The following EGFR variants were observed in gnomAD, a reference collection of about 807,000 sequenced individuals.
EGFR encodes avian erythroblastic leukemia viral (v-erb-b) oncogene homolog.
Under a neutral mutation model 143.0 loss-of-function variants are expected in EGFR, and 58 were observed. The ratio of observed to expected loss-of-function variants is 0.41; its 90% CI spans 0.33 to 0.50. EGFR has a LOEUF of 0.50. Ranked by LOEUF, EGFR falls within the 20% of genes least tolerant of loss-of-function variation. The pLI is 0.39. For synonymous variants in EGFR, 613 were observed against 594.4 expected, an observed-to-expected ratio of 1.03 and a Z score of -0.45; for missense variants, 1,307 against 1,579.0, an observed-to-expected ratio of 0.83 and a Z score of 2.92.
chr7:55,133,513 C>T (rs1793971222), intron 1 of EGFR, among the ~76,000 whole-genome samples: 1 of 152,318 alleles, frequency 6.6e-6, no homozygotes, highest in Non-Finnish European at 1.5e-5. Flanking sequence ...GTTTTGAAGC[C>T]GATTTTCCAG....
In EGFR at chr7:55,081,452, G is replaced by A. The variant is rs185152435; in HGVS notation, c.89-60834G>A. Among the ~76,000 whole-genome samples the A allele has an allele frequency of 9.9e-5, 15 of 152,254 alleles. No individual in the cohort carries two copies. In the East Asian group the frequency reaches 1.7e-3, roughly 18 times the overall value. The stretch of plus-strand genomic sequence containing the variant: ...TTCGCAATGAGTGTTGCAGACTCCC[G>A]ACAAAGGCCAGGTGGTAAAGTGTGG... On this transcript the variant is annotated intron_variant, in intron 1 of 27. Transcript: ENST00000275493.
chr7:55,083,488 T>G (rs1790584714), intron 1 of EGFR, among the ~76,000 whole-genome samples: 1 of 152,206 alleles, frequency 6.6e-6, no homozygotes, highest in Admixed American at 6.5e-5. Flanking sequence ...ATGTCATCTT[T>G]GGTGAATGTC....
chr7:55,204,236 ACAC>A (rs1788000565), intron 27 of EGFR, among the ~76,000 whole-genome samples: 1 of 149,266 alleles, frequency 6.7e-6, no homozygotes, highest in Non-Finnish European at 1.5e-5. Context: ...AAACGTACAC[ACAC>A]ACCACACACA....
rs765441420 is a variant in EGFR, at chr7:55,173,007, T to G, written c.1944T>G (p.Thr648=). ...GGCCTAAGATCCCGTCCATCGCCAC[T>G]GGGATGGTGGGGGCCCTCCTCTTGC... ...TNGPKIPSIA[T]GMVGALLLLL... Residue 648 remains threonine, a synonymous_variant, in exon 17 of 28, where the codon ACT becomes ACG. Coordinates refer to ENST00000275493, the MANE Select transcript of EGFR (RefSeq NM_005228.5). 6.2e-7 allele frequency: 1 copy of G among 1,614,064 alleles called. No individual in the cohort carries two copies. The highest frequency in any genetic ancestry group is 1.3e-5 in the African/African-American group (1 of 74,938).
At chr7:55,076,726 A>G (rs991523737) in intron 1 of EGFR, among the ~76,000 whole-genome samples, 1 of 152,138 alleles carries the variant, frequency 6.6e-6, no homozygotes, top group Non-Finnish European at 1.5e-5. Context: ...TTTGAACTTC[A>G]TTAGTAGAGC....
At position 55,205,443 on chromosome 7, in the gene EGFR, C is replaced by T. The variant is rs768703914; in HGVS notation, c.3459C>T (p.Ser1153=). 1.2e-6 allele frequency: 2 copies of T among 1,614,184 alleles called. No homozygotes were observed. The highest frequency in any genetic ancestry group is 1.7e-6 in the Non-Finnish European group (2 of 1,180,028). ...CCTGTGTCAACAGCACATTCGACAG[C>T]CCTGCCCACTGGGCCCAGAAAGGCA... ...QPTCVNSTFD[S]PAHWAQKGSH... is the part of the protein sequence containing the mutation. The change falls in exon 28 of 28, where the codon AGC becomes AGT. Residue 1153 remains serine (S), a synonymous_variant. Transcript: ENST00000275493.
chr7:55,125,150 G>A (rs565067494), intron 1 of EGFR, among the ~76,000 whole-genome samples: 58 of 152,272 alleles, frequency 3.8e-4, no homozygotes, highest in African/African-American at 1.2e-3. Flanking sequence ...CTCTGCTGTC[G>A]CCTCCTAGGG....
chr7:55,173,822 C>T, intron 17 of EGFR, 99 bp from the exon 18 acceptor site: 1 of 1,594,308 alleles, frequency 6.3e-7, no homozygotes, highest in Non-Finnish European at 8.6e-7. Flanking sequence ...CAAGCCCATG[C>T]CGTGGCTGCT....
chr7:55,129,756 A>G (rs1793730118), intron 1 of EGFR, among the ~76,000 whole-genome samples: 1 of 152,222 alleles, frequency 6.6e-6, no homozygotes, highest in South Asian at 2.1e-4. Flanking sequence ...TGAAATAGGA[A>G]GAGCTTAGCA....
At chr7:55,098,416 A>G (rs987167374) in intron 1 of EGFR, among the ~76,000 whole-genome samples, 5 of 152,192 alleles carry the variant, frequency 3.3e-5, no homozygotes, top group African/African-American at 1.2e-4. Flanking sequence ...AACTCCATAG[A>G]ATGAAATACT....
intron 1 of EGFR, among the ~76,000 whole-genome samples, chr7:55,097,055 T>A (rs187292181): frequency 6.6e-6 from 1 of 152,234 alleles, no homozygotes; most frequent in Non-Finnish European, 1.5e-5. Context: ...CGAGGCTGCA[T>A]ACCTGTGCTC....
chr7:55,128,794 A>T (rs1260331300), intron 1 of EGFR, among the ~76,000 whole-genome samples: 1 of 152,160 alleles, frequency 6.6e-6, no homozygotes, highest in East Asian at 1.9e-4. Context: ...GGAAACTAAA[A>T]CCTAGGGGAG....
chr7:55,189,537 G>A (rs775440074), intron 20 of EGFR, among the ~76,000 whole-genome samples: 3 of 152,218 alleles, frequency 2.0e-5, no homozygotes, highest in Non-Finnish European at 4.4e-5. Flanking sequence ...TAGCAGTGGT[G>A]GTGAAACGAA....
chr7:55,043,982 G>A (rs1053520355), intron 1 of EGFR: 1 of 152,164 alleles, frequency 6.6e-6, no homozygotes, highest in African/African-American at 2.4e-5. Context: ...GTGAAAGCAA[G>A]AGCCACGTGA....
At position 55,142,410 on chromosome 7, in the gene EGFR, G is replaced by A. The variant is rs2128926407; in HGVS notation, c.213G>A (p.Gln71=). Residue 71 remains glutamine (Q), a synonymous_variant, in exon 2 of 28, where the codon CAG becomes CAA. Transcript: ENST00000275493. ...VLGNLEITYV[Q]RNYDLSFLKT... ...GGAATTTGGAAATTACCTATGTGCA[G>A]AGGAATTATGATCTTTCCTTCTTAA... The A allele has an allele frequency of 6.2e-7, 1 of 1,614,164 alleles. No individual in the cohort carries two copies. Among genetic ancestry groups the A allele is most frequent in the Admixed American group, 1.7e-5 (1 of 60,018 alleles).
At chr7:55,025,845 T>A (rs1049442891) in intron 1 of EGFR, among the ~76,000 whole-genome samples, 1 of 152,166 alleles carries the variant, frequency 6.6e-6, no homozygotes, top group African/African-American at 2.4e-5. Flanking sequence ...ATATAATATA[T>A]TGTGCATATA....
chr7:55,031,031 T>A (rs1787214854), intron 1 of EGFR, among the ~76,000 whole-genome samples: 1 of 152,242 alleles, frequency 6.6e-6, no homozygotes, highest in African/African-American at 2.4e-5. Context: ...TATTGTTTAT[T>A]CCTAACATAG....
At chr7:55,204,583 CA>C (rs1788026069) in intron 27 of EGFR, among the ~76,000 whole-genome samples, 1 of 142,374 alleles carries the variant, frequency 7.0e-6, no homozygotes. Context: ...ACCACACACA[CA>C]CCACACATAC....
Position 55,206,109 on chromosome 7 carries a change from T to C in EGFR, c.*492T>C. On this transcript the variant is annotated 3_prime_UTR_variant, in exon 28 of 28. Transcript: ENST00000275493. Reference sequence around the variant, plus strand: ...GGATGCTTGATTCCAGTGGTTCTGCTTCAAGGCTTCCACTGCAAAACACTA... The same window carrying C: ...GGATGCTTGATTCCAGTGGTTCTGCCTCAAGGCTTCCACTGCAAAACACTA... The C allele has an allele frequency of 3.2e-6, 1 of 314,438 alleles. No individual in the cohort carries two copies. The highest frequency in any genetic ancestry group is 5.9e-6 in the Non-Finnish European group (1 of 169,442). The allele number at this position is 314,438 out of a possible 1,614,324, so 19.5% of individuals were successfully genotyped here. A position where few individuals can be genotyped will look rare whatever the true frequency, so the allele number is the denominator to read the frequency against.
Sources: allele counts gnomAD v4.1 joint callset (sites outside exome capture counted in the v4.1 genomes callset), GRCh38; gene constraint gnomAD v4.1.1; transcripts MANE v1.5; gene names NCBI Gene and HGNC (gene_info 2026-07-23, HGNC 2026-07-21).